Variants in DIXDC1 observed in about 807,000 individuals in gnomAD.
DIXDC1 encodes the protein dixin.
A neutral mutation model predicts 103.1 loss-of-function variants in DIXDC1; 64 were observed. That is an observed-to-expected ratio of 0.62 (90% CI 0.51 to 0.76). The LOEUF (loss-of-function observed/expected upper bound fraction) is 0.76, where lower values mean the gene tolerates loss of function less well. DIXDC1 is among the 30% of genes least tolerant of loss of function. The probability of loss-of-function intolerance (pLI) is 0.00; values close to 1 mark genes in which losing one functional copy is unlikely to be tolerated. For missense variants in DIXDC1, 759 were observed against 834.2 expected, an observed-to-expected ratio of 0.91 and a Z score of 1.11; for synonymous variants, 266 against 298.5, an observed-to-expected ratio of 0.89 and a Z score of 1.12.
intron 3 of DIXDC1, among the ~76,000 whole-genome samples, chr11:111,970,744 C>T (rs892212552): frequency 6.6e-6 from 1 of 151,156 alleles, no homozygotes; most frequent in Non-Finnish European, 1.5e-5. Context: ...ACTACAGTAA[C>T]CAAAACAACA....
At chr11:112,000,894 C>T (rs1485419303) in intron 17 of DIXDC1, among the ~76,000 whole-genome samples, 1 of 152,126 alleles carries the variant, frequency 6.6e-6, no homozygotes, top group Admixed American at 6.6e-5. Context: ...AATGGTGCAG[C>T]TGCTGTGGAA....
intron 17 of DIXDC1, among the ~76,000 whole-genome samples, chr11:112,000,863 A>G (rs1033918027): frequency 4.6e-5 from 7 of 152,206 alleles, no homozygotes; most frequent in African/African-American, 2.4e-5. Context: ...TGGAACTGTC[A>G]TACATTGCTC....
rs2137540474 is a variant in DIXDC1, at chr11:111,977,200, C to G, written c.656+2217C>G. ...CCCCGCCCCTGGCCCGCACCCTCAACCTCCGTCCAGAGCGGTCGGTTGGCC... is the reference window on the plus strand; with the variant it reads ...CCCCGCCCCTGGCCCGCACCCTCAAGCTCCGTCCAGAGCGGTCGGTTGGCC... On this transcript the variant is annotated intron_variant, in intron 5 of 19. Transcript: ENST00000440460. This position sits in a 1 kb window ranked among gnomAD's most constrained non-coding sequence, Gnocchi z 6.1. 1 of 752,304 alleles carries G rather than the reference C, an allele frequency of 1.3e-6. No individual in the cohort carries two copies. Among genetic ancestry groups the G allele is most frequent in the Non-Finnish European group, 1.6e-6 (1 of 617,316 alleles). 46.6% of individuals were successfully genotyped at this position (752,304 alleles called of 1,614,324 possible).
chr11:111,949,830 A>G (rs1555169726), intron 1 of DIXDC1, among the ~76,000 whole-genome samples: 1 of 152,132 alleles, frequency 6.6e-6, no homozygotes, highest in African/African-American at 2.4e-5. Context: ...AGACATCCGT[A>G]AAGAACCAGC....
In DIXDC1 at chr11:111,976,647, G is replaced by T. The variant is rs1430817633; in HGVS notation, c.656+1664G>T. Reference sequence around the variant, plus strand: ...CCCACTTAGTGGCTCTGTGACCCATGAAGAGCCCAGGAGCCCCCAGATGTG... The same window carrying T: ...CCCACTTAGTGGCTCTGTGACCCATTAAGAGCCCAGGAGCCCCCAGATGTG... On this transcript the variant is annotated intron_variant, in intron 5 of 19. Transcript: ENST00000440460. This position sits in a 1 kb window ranked among gnomAD's most constrained non-coding sequence, Gnocchi z 4.3. Among the ~76,000 whole-genome samples, 3 of 152,116 alleles carry T rather than the reference G, an allele frequency of 2.0e-5. No homozygotes were observed. Among genetic ancestry groups the T allele is most frequent in the Non-Finnish European group, 4.4e-5 (3 of 68,032 alleles).
intron 2 of DIXDC1, among the ~76,000 whole-genome samples, chr11:111,930,847 TC>T (rs1965988696): frequency 7.1e-6 from 1 of 141,006 alleles, no homozygotes; most frequent in Non-Finnish European, 1.5e-5. Context: ...TTTCTTTCTT[TC>T]CTTTTTTTTT....
At chr11:111,999,651 G>A (rs1861005504) in intron 17 of DIXDC1, among the ~76,000 whole-genome samples, 1 of 152,120 alleles carries the variant, frequency 6.6e-6, no homozygotes, top group Non-Finnish European at 1.5e-5. Flanking sequence ...TATCACCTGA[G>A]GTTGGGAGTT....
chr11:111,948,095 C>T (rs1966657533), intron 1 of DIXDC1, among the ~76,000 whole-genome samples: 1 of 152,218 alleles, frequency 6.6e-6, no homozygotes, highest in African/African-American at 2.4e-5. Flanking sequence ...CTAGACAGGA[C>T]TTCAGGATCC....
chr11:112,009,402 C>T (rs587655150), intron 17 of DIXDC1, among the ~76,000 whole-genome samples: 33 of 152,314 alleles, frequency 2.2e-4, no homozygotes, highest in African/African-American at 7.2e-4. Context: ...AGTACCATTC[C>T]TTCTGAAACT....
intron 5 of DIXDC1, 171 bp downstream of exon 5, chr11:111,975,154 G>A: frequency 7.1e-7 from 1 of 1,417,604 alleles, no homozygotes; most frequent in East Asian, 2.7e-5. Context: ...TAGTAGGAGG[G>A]TAGGAAGGTA....
intron 1 of DIXDC1, among the ~76,000 whole-genome samples, chr11:111,957,364 G>A (rs1555170675): frequency 6.6e-6 from 1 of 152,188 alleles, no homozygotes; most frequent in African/African-American, 2.4e-5. Flanking sequence ...GTGATGATGA[G>A]AAAGAGGATA....
chr11:111,992,492 G>A lies in DIXDC1; in HGVS notation c.1191G>A (p.Met397Ile). The stretch of plus-strand genomic sequence containing the variant: ...AACAAGAGCTACTGAGGGCAAATAT[G>A]GACAAAGATGAGCTGCACAACCAGA... Reference protein sequence around the residue: ...QLKQELLRANMDKDELHNQNV... With the variant: ...QLKQELLRANIDKDELHNQNV... The change falls in exon 11 of 20, where the codon ATG (methionine) becomes ATA (isoleucine). Residue 397 changes from methionine (M) to isoleucine (I), a missense_variant. Met to Ile is a conservative substitution (Grantham distance 10). Coordinates refer to ENST00000440460, the MANE Select transcript of DIXDC1 (RefSeq NM_001037954.4). 1 of 1,571,474 alleles carries A rather than the reference G, an allele frequency of 6.4e-7. No individual in the cohort carries two copies. Among genetic ancestry groups the A allele is most frequent in the Admixed American group, 1.9e-5 (1 of 53,598 alleles).
chr11:112,000,750 A>C (rs776150024), intron 17 of DIXDC1, among the ~76,000 whole-genome samples: 52 of 152,048 alleles, frequency 3.4e-4, no homozygotes, highest in Non-Finnish European at 6.5e-4. Flanking sequence ...ATCATTAGTC[A>C]TTAGGGGAAT....
intron 12 of DIXDC1, 35 bp downstream of exon 12, chr11:111,993,039 C>G (rs1236153924): frequency 6.4e-7 from 1 of 1,573,538 alleles, no homozygotes; most frequent in Non-Finnish European, 8.6e-7. Context: ...ATGACTTCCA[C>G]TGACTTTTCA....
chr11:111,985,416 G>T, intron 8 of DIXDC1, 95 bp downstream of exon 8: 1 of 988,520 alleles, frequency 1.0e-6, no homozygotes, highest in Non-Finnish European at 1.5e-6. Flanking sequence ...TTGAAATGCT[G>T]TCTTCCTTGA....
Position 111,975,517 on chromosome 11 carries a change from G to A in DIXDC1, c.656+534G>A. 3 of 990,952 alleles carry A rather than the reference G, an allele frequency of 3.0e-6. No individual in the cohort carries two copies. In the South Asian group the frequency reaches 1.4e-4, roughly 46 times the overall value. The allele number at this position is 990,952 out of a possible 1,614,324, so 61.4% of individuals were successfully genotyped here. ...GTTTGCGACTCTAGCTAAAAGTTGT[G>A]TGTATCCTTTAGAGCCAAGTACAGA... On this transcript the variant is annotated intron_variant, in intron 5 of 19. Coordinates refer to ENST00000440460, the MANE Select transcript of DIXDC1 (RefSeq NM_001037954.4).
At chr11:112,002,332 G>A (rs2137606711) in intron 17 of DIXDC1, among the ~76,000 whole-genome samples, 2 of 151,362 alleles carry the variant, frequency 1.3e-5, no homozygotes, top group Middle Eastern at 7.0e-3. Context: ...TGGTGGGCAT[G>A]TAAATGAGTA....
In DIXDC1 at chr11:111,974,026, T is replaced by C. The variant is rs1555172330; in HGVS notation, c.320T>C (p.Ile107Thr). The change falls in exon 4 of 20, where the codon ATT becomes ACT. Residue 107 changes from isoleucine (I) to threonine (T), a missense_variant. Ile to Thr is a moderately conservative substitution (Grantham distance 89). Coordinates refer to ENST00000440460, the MANE Select transcript of DIXDC1 (RefSeq NM_001037954.4). Reference protein sequence around the residue: ...IRMHQTSAKDIVDGNLKSIMR... With the variant: ...IRMHQTSAKDTVDGNLKSIMR... ...CTTGGTCCGTTTTATCCTTCAGATA[T>C]TGTGGATGGAAACCTGAAGTCTATC... 1.2e-6 allele frequency: 2 copies of C among 1,613,870 alleles called. No homozygotes were observed.
intron 17 of DIXDC1, among the ~76,000 whole-genome samples, chr11:112,006,182 G>C (rs1208100729): frequency 6.6e-6 from 1 of 152,232 alleles, no homozygotes; most frequent in East Asian, 1.9e-4. Context: ...CTTGCTCACA[G>C]CTAGTGCAGC....
Sources: gnomAD v4.1 joint callset for allele counts (sites outside exome capture counted in the v4.1 genomes callset) on GRCh38, gnomAD v4.1.1 for gene constraint, Gnocchi (gnomAD v3.1) non-coding constraint, MANE v1.5 for transcripts, NCBI Gene and HGNC (gene_info 2026-07-23, HGNC 2026-07-21) for gene names.